The following RGS10 variants were observed in gnomAD, a reference collection of about 807,000 sequenced individuals.
The protein encoded by RGS10 is regulator of G-protein signalling 10.
A neutral mutation model predicts 23.5 loss-of-function variants in RGS10; 11 were observed. That is an observed-to-expected ratio of 0.47 (90% CI 0.29 to 0.77). RGS10 has a LOEUF of 0.77. Ranked by LOEUF, RGS10 falls within the 30% of genes least tolerant of loss-of-function variation. RGS10 has a pLI of 0.08. For missense variants in RGS10, 180 were observed against 226.3 expected (o/e 0.80, Z 1.31); for synonymous variants, 77 against 83.2 (o/e 0.92, Z 0.41).
chr10:119,537,900 G>A (rs1844404046), intron 1 of RGS10, among the ~76,000 whole-genome samples: 1 of 152,188 alleles, frequency 6.6e-6, no homozygotes, highest in Admixed American at 6.5e-5. Context: ...AAAAGGGAGT[G>A]TGGTGTAATA....
chr10:119,509,621 G>T (rs1389042242), intron 4 of RGS10, among the ~76,000 whole-genome samples: 1 of 151,976 alleles, frequency 6.6e-6, no homozygotes, highest in Admixed American at 6.6e-5. Context: ...AGTCAAAGAA[G>T]TTGGGGTAGG....
intron 3 of RGS10, among the ~76,000 whole-genome samples, chr10:119,520,096 C>T (rs1475879329): frequency 2.0e-5 from 3 of 152,168 alleles, no homozygotes. Flanking sequence ...GCCTCCGGCT[C>T]CTCTCCACCC....
chr10:119,502,829 T>A (rs1402442307), intron 4 of RGS10, among the ~76,000 whole-genome samples: 1 of 152,210 alleles, frequency 6.6e-6, no homozygotes, highest in East Asian at 1.9e-4. Flanking sequence ...TGAGAGCCCT[T>A]GCCCATCTCC....
At position 119,539,587 on chromosome 10, in the gene RGS10, C is replaced by G. The variant is rs183229556; in HGVS notation, c.49+3003G>C. Among the ~76,000 whole-genome samples, 21 of 152,232 alleles carry G rather than the reference C, an allele frequency of 1.4e-4. No homozygotes were observed. In the East Asian group the frequency reaches 4.1e-3, roughly 29 times the overall value. On this transcript the variant is annotated intron_variant, in intron 1 of 4. Transcript: ENST00000369103. ...CCTGAGAATTCTCTGGGGTGCTTGT[C>G]AAAGACAAGCCCCACCTACAGTCCC...
chr10:119,534,256 AAAATAAATAAATAAAT>A (rs199735313), intron 1 of RGS10, among the ~76,000 whole-genome samples: 277 of 123,004 alleles, frequency 2.3e-3, no homozygotes, highest in South Asian at 0.017. Flanking sequence ...AACCTGTCTT[AAAATAAATAAATAAAT>A]AAATAAATAA....
chr10:119,529,872 T>C (rs1844315246), intron 1 of RGS10, among the ~76,000 whole-genome samples: 1 of 152,180 alleles, frequency 6.6e-6, no homozygotes, highest in Admixed American at 6.5e-5. Flanking sequence ...GGCAGGCAGA[T>C]TGCAAGGTCA....
intron 4 of RGS10, among the ~76,000 whole-genome samples, chr10:119,502,158 A>G (rs1843959863): frequency 6.6e-6 from 1 of 152,030 alleles, no homozygotes; most frequent in Non-Finnish European, 1.5e-5. Context: ...CTTTTTTTTA[A>G]TCCCAGAAAA....
intron 3 of RGS10, among the ~76,000 whole-genome samples, chr10:119,515,930 G>C (rs970440593): frequency 6.6e-6 from 1 of 152,172 alleles, no homozygotes; most frequent in African/African-American, 2.4e-5. Flanking sequence ...AAGAATCCTG[G>C]CCCGCAGAGA....
chr10:119,522,511 G>A (rs1321506363), intron 3 of RGS10, among the ~76,000 whole-genome samples: 3 of 152,112 alleles, frequency 2.0e-5, no homozygotes, highest in Non-Finnish European at 4.4e-5. Flanking sequence ...CTGAGGTCAG[G>A]AGTTTGAGAC....
intron 1 of RGS10, among the ~76,000 whole-genome samples, chr10:119,529,481 A>G (rs1844311990): frequency 6.6e-6 from 1 of 152,120 alleles, no homozygotes; most frequent in East Asian, 1.9e-4. Flanking sequence ...AACAAAACAA[A>G]AAACCCAGTT....
intron 4 of RGS10, among the ~76,000 whole-genome samples, chr10:119,513,774 C>T (rs1013780842): frequency 6.6e-6 from 1 of 152,144 alleles, no homozygotes; most frequent in African/African-American, 2.4e-5. Context: ...CCCTCTGCTC[C>T]AGGGGCCTCA....
chr10:119,514,797 C>T (rs1844122909), intron 4 of RGS10, among the ~76,000 whole-genome samples: 2 of 152,124 alleles, frequency 1.3e-5, no homozygotes. Flanking sequence ...CCCTAGGGAG[C>T]TCTGACAAGA....
intron 3 of RGS10, among the ~76,000 whole-genome samples, chr10:119,522,129 C>T (rs1844225556): frequency 4.6e-5 from 7 of 152,172 alleles, no homozygotes; most frequent in Admixed American, 3.9e-4. Flanking sequence ...TCTAGACCCT[C>T]GGAGACAGTG....
At chr10:119,525,936 T>G in intron 3 of RGS10, 96 bp downstream of exon 3, 1 of 594,464 alleles carries the variant, frequency 1.7e-6, no homozygotes, top group Admixed American at 3.0e-5. Flanking sequence ...CCCCCAAAAC[T>G]AATATGAATC....
rs549911855 is a variant in RGS10 at position 119,506,469 on chromosome 10, C to T, written c.400-6210G>A. On this transcript the variant is annotated intron_variant, in intron 4 of 4. Transcript: ENST00000369103. ...GACACCAGCGGGATCAGAGAGACCT[C>T]GCTTGGACGATATCCCCTCCCAAGC... 1.2e-4 allele frequency among the ~76,000 whole-genome samples: 19 copies of T among 152,342 alleles called. 1 individual carries two copies. In the East Asian group the frequency reaches 2.1e-3, roughly 17 times the overall value.
Position 119,517,995 on chromosome 10 carries a change from AAAGGG to A in RGS10, c.256-2348_256-2344del, listed in dbSNP as rs1376510955. On this transcript the variant is annotated intron_variant, in intron 3 of 4. Coordinates refer to ENST00000369103, the MANE Select transcript of RGS10 (RefSeq NM_001005339.2). The surrounding 1 kb of genome is among the most constrained non-coding windows in gnomAD (Gnocchi z 5.0). ...CGGCGGAGCTAGGAAGTATGACTGA[AAAGGG>A]AAACCCTGAGACGGCGACCACAAGC... Among the ~76,000 whole-genome samples the A allele has an allele frequency of 6.6e-6, 1 of 152,200 alleles. No individual in the cohort carries two copies. The highest frequency in any genetic ancestry group is 1.5e-5 in the Non-Finnish European group (1 of 68,028).
At chr10:119,512,843 C>T (rs1475792263) in intron 4 of RGS10, among the ~76,000 whole-genome samples, 1 of 152,180 alleles carries the variant, frequency 6.6e-6, no homozygotes, top group African/African-American at 2.4e-5. Context: ...CGACTGAGCC[C>T]AGCCTTCCAA....
intron 1 of RGS10, among the ~76,000 whole-genome samples, chr10:119,531,344 G>A (rs955944779): frequency 1.4e-4 from 21 of 152,176 alleles, no homozygotes; most frequent in Admixed American, 1.2e-3. Context: ...TTCAACCTTG[G>A]TCTGAAAGGA....
chr10:119,527,220 T>C lies in RGS10; in HGVS notation c.168+86A>G, dbSNP rs780337380. The C allele has an allele frequency of 5.3e-5, 48 of 908,434 alleles. No individual in the cohort carries two copies. The highest frequency in any genetic ancestry group is 7.1e-5 in the Non-Finnish European group (40 of 567,206). 56.3% of individuals were successfully genotyped at this position (908,434 alleles called of 1,614,324 possible). On this transcript the variant is annotated intron_variant, in intron 2 of 4. Transcript: ENST00000369103. This position sits in a 1 kb window ranked among gnomAD's most constrained non-coding sequence, Gnocchi z 4.2. ...TAGAGAGTGCTACGCTGACAGACAA[T>C]GTTGAACTGGCCTATTTCTCCCCTG...
Sources: gnomAD v4.1 joint callset for allele counts (sites outside exome capture counted in the v4.1 genomes callset) on GRCh38, gnomAD v4.1.1 for gene constraint, Gnocchi (gnomAD v3.1) non-coding constraint, MANE v1.5 for transcripts, NCBI Gene and HGNC (gene_info 2026-07-23, HGNC 2026-07-21) for gene names.